The following CEMIP variants were observed in gnomAD, a reference collection of about 807,000 sequenced individuals.
CEMIP encodes the protein cell migration inducing hyaluronidase 1, also known as cell migration-inducing and hyaluronan-binding protein.
Under a neutral mutation model 156.9 loss-of-function variants are expected in CEMIP, and 105 were observed. The ratio of observed to expected loss-of-function variants is 0.67; its 90% CI spans 0.57 to 0.79. The LOEUF (loss-of-function observed/expected upper bound fraction) is 0.79. Ranked by LOEUF, CEMIP falls within the 30% of genes least tolerant of loss-of-function variation. CEMIP has a pLI of 0.00. For missense variants in CEMIP, 1,457 were observed against 1,769.4 expected (o/e 0.82, Z 3.17); for synonymous variants, 676 against 668.4 (o/e 1.01, Z -0.17).
chr15:80,926,721 G>A (rs2141937396), intron 19 of CEMIP, among the ~76,000 whole-genome samples: 1 of 151,250 alleles, frequency 6.6e-6, no homozygotes, highest in African/African-American at 2.4e-5. Context: ...CAAGGACATA[G>A]GATGGCAGCA....
chr15:80,822,172 G>A (rs1278074286), intron 1 of CEMIP, among the ~76,000 whole-genome samples: 1 of 152,156 alleles, frequency 6.6e-6, no homozygotes, highest in Non-Finnish European at 1.5e-5. Flanking sequence ...TGCTTCTTGT[G>A]CACAGCTTCC....
chr15:80,894,482 A>G (rs6495531), intron 10 of CEMIP, among the ~76,000 whole-genome samples: 151,424 of 152,302 alleles, frequency 0.99, 75,283 homozygotes, highest in Middle Eastern at 1. Flanking sequence ...AATCACCTGG[A>G]CAACTTTTCA....
chr15:80,909,195 CG>C lies in CEMIP; in HGVS notation c.1688del (p.Gly563ValfsTer3). ...AGTACCCGATTCACTTCCACCTGGC[CG>C]GTGATGTAGACGAAAGGGGAGGTTA... ...GQYPIHFHLA[G>X]DVDERGGYDP... On this transcript the variant is annotated frameshift_variant, in exon 14 of 30. Coordinates refer to ENST00000394685, the MANE Select transcript of CEMIP (RefSeq NM_001293298.2). LOFTEE classifies it high-confidence loss of function. 6.2e-7 allele frequency: 1 copy of C among 1,614,054 alleles called. No individual in the cohort carries two copies.
chr15:80,896,208 G>T, intron 12 of CEMIP, 148 bp downstream of exon 12: 1 of 823,888 alleles, frequency 1.2e-6, no homozygotes. Context: ...TTCATGACAG[G>T]TCTTTATTTC....
intron 1 of CEMIP, chr15:80,842,049 C>G (rs764408551): frequency 1.9e-6 from 1 of 526,380 alleles, no homozygotes; most frequent in African/African-American, 2.0e-5. Flanking sequence ...GATGAGCTCT[C>G]AATATATTCT....
Position 80,920,200 on chromosome 15 carries a change from C to T in CEMIP, c.1904C>T (p.Ser635Phe). 2 of 1,614,204 alleles carry T rather than the reference C, an allele frequency of 1.2e-6. No individual in the cohort carries two copies. The highest frequency in any genetic ancestry group is 1.7e-6 in the Non-Finnish European group (2 of 1,180,044). Residue 635 changes from serine (S) to phenylalanine (F), a missense_variant, in exon 15 of 30, where the codon TCT (serine) becomes TTT (phenylalanine). Transcript: ENST00000394685. ...FDHCLGLLVK[S>F]GTLLPSDRDS... ...CACTGTCTTGGCCTCCTTGTCAAGT[C>T]TGGAACCCTCCTCCCCTCGGACCGT...
intron 3 of CEMIP, among the ~76,000 whole-genome samples, chr15:80,876,020 A>G (rs1014227321): frequency 2.6e-5 from 4 of 152,244 alleles, no homozygotes; most frequent in African/African-American, 7.2e-5. Flanking sequence ...GAGAGTGAAA[A>G]GAACAGTCAG....
At chr15:80,907,871 C>T (rs180994355) in intron 13 of CEMIP, among the ~76,000 whole-genome samples, 7 of 152,332 alleles carry the variant, frequency 4.6e-5, no homozygotes, top group Non-Finnish European at 8.8e-5. Context: ...TTTGCTAAGA[C>T]AGTTCTCGTA....
intron 15 of CEMIP, among the ~76,000 whole-genome samples, chr15:80,920,524 T>C (rs1461449370): frequency 6.6e-6 from 1 of 152,226 alleles, no homozygotes; most frequent in East Asian, 1.9e-4. Context: ...TGCATTTTTC[T>C]TGTCCAAAGA....
intron 14 of CEMIP, among the ~76,000 whole-genome samples, chr15:80,912,891 TACAG>T (rs1351484631): frequency 6.6e-6 from 1 of 152,246 alleles, no homozygotes; most frequent in Admixed American, 6.5e-5. Context: ...AGAGGCCAAA[TACAG>T]ACAAAGACGA....
At chr15:80,795,787 A>G (rs148343780) in intron 1 of CEMIP, among the ~76,000 whole-genome samples, 87 of 152,222 alleles carry the variant, frequency 5.7e-4, no homozygotes, top group Middle Eastern at 3.4e-3. Flanking sequence ...AGGAATTGCC[A>G]GGTGCTGTGG....
In CEMIP at chr15:80,865,650, CTT is replaced by C. The variant is rs60777440; in HGVS notation, c.-175-7871_-175-7870del. Among the ~76,000 whole-genome samples the C allele has an allele frequency of 9.7e-3, 1,306 of 134,478 alleles. 16 individuals carry two copies. The highest frequency in any genetic ancestry group is 0.032 in the African/African-American group (1,161 of 35,784). The allele number at this position is 134,478 out of a possible 152,430, so 88.2% of individuals were successfully genotyped here. A position where few individuals can be genotyped will look rare whatever the true frequency, so the allele number is the denominator to read the frequency against. On this transcript the variant is annotated intron_variant, in intron 1 of 29. Coordinates refer to ENST00000394685, the MANE Select transcript of CEMIP (RefSeq NM_001293298.2). ...GATATCATGAAAATTATGCACAGCC[CTT>C]TTTTTTTTTTTTTTTTATAGCTCAT...
At chr15:80,913,478 G>A (rs537493740) in intron 14 of CEMIP, among the ~76,000 whole-genome samples, 22 of 152,316 alleles carry the variant, frequency 1.4e-4, no homozygotes, top group Admixed American at 3.9e-4. Context: ...AGGTAAAAGA[G>A]CATAGAGTCA....
chr15:80,884,179 G>C lies in CEMIP; in HGVS notation c.622G>C (p.Asp208His). The C allele has an allele frequency of 6.2e-7, 1 of 1,614,084 alleles. No homozygotes were observed. Among genetic ancestry groups the C allele is most frequent in the Non-Finnish European group, 8.5e-7 (1 of 1,179,972 alleles). The change falls in exon 7 of 30, where the codon GAC becomes CAC. Residue 208 changes from aspartate to histidine, a missense_variant. By Grantham distance (81) the Asp-to-His change is moderately conservative (BLOSUM62 -1). Around this residue, in one of 5 missense-constraint regions of CEMIP, gnomAD observed 309 missense variants for 340.8 expected, o/e 0.91. Coordinates refer to ENST00000394685, the MANE Select transcript of CEMIP (RefSeq NM_001293298.2). ...TCTTCTCTCTGCCCTTTTTAGGTTT[G>C]ACACCTATAGATCCAAGAAAGAGAG... ...SGTVIHSDRF[D>H]TYRSKKESER...
chr15:80,812,732 A>T (rs1896699264), intron 1 of CEMIP, among the ~76,000 whole-genome samples: 1 of 152,140 alleles, frequency 6.6e-6, no homozygotes, highest in African/African-American at 2.4e-5. Context: ...TTTATAAAAA[A>T]CATGAAGTCA....
rs1899669539 is a variant in CEMIP, at chr15:80,903,694, C to A, written c.1412-2969C>A. Among the ~76,000 whole-genome samples the A allele has an allele frequency of 1.3e-5, 2 of 152,208 alleles. 1 individual carries two copies. Among genetic ancestry groups the A allele is most frequent in the South Asian group, 4.1e-4 (2 of 4,836 alleles). On this transcript the variant is annotated intron_variant, in intron 12 of 29. Coordinates refer to ENST00000394685, the MANE Select transcript of CEMIP (RefSeq NM_001293298.2). ...TTGCTCTCTGTGCCTGTTCCCTCAA[C>A]ATGCTCAACCCTTTGGGGAGTTTGG...
chr15:80,933,069 G>C (rs190359464), intron 22 of CEMIP, among the ~76,000 whole-genome samples, 176 bp from the exon 23 acceptor site: 1 of 152,184 alleles, frequency 6.6e-6, no homozygotes, highest in South Asian at 2.1e-4. Context: ...ACCTTTGACT[G>C]TGACTCCGGT....
chr15:80,879,983 G>GGAACCAATTCCCTTCAGATACTGA, intron 5 of CEMIP, 129 bp downstream of exon 5: 1 of 1,053,092 alleles, frequency 9.5e-7, no homozygotes. Context: ...CCTGCCAGAT[G>GGAACCAATTCCCTTCAGATACTGA]GGGATCATGA....
chr15:80,888,892 T>G (rs1307878109), intron 9 of CEMIP, 96 bp downstream of exon 9: 2 of 1,094,946 alleles, frequency 1.8e-6, no homozygotes, highest in Non-Finnish European at 2.8e-6. Flanking sequence ...CTTATACCAG[T>G]AGGACCACTT....
Sources: gnomAD v4.1 joint callset for allele counts (sites outside exome capture counted in the v4.1 genomes callset) on GRCh38, gnomAD v4.1.1 for gene constraint, gnomAD v4.1.1 regional missense constraint, MANE v1.5 for transcripts, NCBI Gene and HGNC (gene_info 2026-07-23, HGNC 2026-07-21) for gene names.